The following TK2 variants were observed in gnomAD, a reference collection of about 807,000 sequenced individuals.
TK2 encodes thymidine kinase 2.
A neutral mutation model predicts 41.9 loss-of-function variants in TK2; 35 were observed. That is an observed-to-expected ratio of 0.84 (90% CI 0.64 to 1.11). The LOEUF is 1.11. TK2 is among the 50% of genes least tolerant of loss of function. TK2 has a pLI of 0.00. For missense variants in TK2, 320 were observed against 351.1 expected, an observed-to-expected ratio of 0.91 and a Z score of 0.71; for synonymous variants, 128 against 129.1, an observed-to-expected ratio of 0.99 and a Z score of 0.06.
intron 6 of TK2, among the ~76,000 whole-genome samples, chr16:66,526,030 G>A (rs957926539): frequency 6.6e-6 from 1 of 152,182 alleles, no homozygotes; most frequent in African/African-American, 2.4e-5. Context: ...CAGAACTGAC[G>A]CATCAGAAAT....
At chr16:66,521,285 G>T (rs1964772411) in intron 6 of TK2, among the ~76,000 whole-genome samples, 1 of 152,192 alleles carries the variant, frequency 6.6e-6, no homozygotes, top group African/African-American at 2.4e-5. Flanking sequence ...GGGACTCTGG[G>T]ACTGACAGAC....
At position 66,514,487 on chromosome 16, in the gene TK2, C is replaced by T. The variant is rs927954633; in HGVS notation, c.619-676G>A. Reference sequence around the variant, plus strand: ...CTCGCTACAACCTCCACCTCCCAGCCGCCTGCCTTGGCCTCCCAAAGTGCC... The same window carrying T: ...CTCGCTACAACCTCCACCTCCCAGCTGCCTGCCTTGGCCTCCCAAAGTGCC... On this transcript the variant is annotated intron_variant, in intron 8 of 9. Coordinates refer to ENST00000544898, the MANE Select transcript of TK2 (RefSeq NM_004614.5). This position sits in a 1 kb window ranked among gnomAD's most constrained non-coding sequence, Gnocchi z 4.2. 6.6e-6 allele frequency among the ~76,000 whole-genome samples: 1 copy of T among 152,160 alleles called. No individual in the cohort carries two copies. Among genetic ancestry groups the T allele is most frequent in the East Asian group, 1.9e-4 (1 of 5,188 alleles).
chr16:66,544,753 C>G (rs937855603), intron 2 of TK2, among the ~76,000 whole-genome samples: 1 of 152,200 alleles, frequency 6.6e-6, no homozygotes, highest in Non-Finnish European at 1.5e-5. Flanking sequence ...AATATTTAAT[C>G]TTTCCTAAAA....
chr16:66,532,734 C>A (rs553998975), intron 4 of TK2, among the ~76,000 whole-genome samples: 2 of 151,722 alleles, frequency 1.3e-5, no homozygotes, highest in African/African-American at 4.8e-5. Context: ...ACAGAACACA[C>A]ACAAAAAAAG....
At chr16:66,516,581 G>A (rs537160241) in intron 8 of TK2, among the ~76,000 whole-genome samples, 3 of 152,180 alleles carry the variant, frequency 2.0e-5, no homozygotes, top group Admixed American at 2.0e-4. Context: ...GGGCCAGGGC[G>A]AGATGCACAG....
rs549928515 is a variant in TK2, at chr16:66,533,823, C to T, written c.286-2354G>A. 3.5e-4 allele frequency among the ~76,000 whole-genome samples: 53 copies of T among 151,784 alleles called. 1 individual carries two copies. In the South Asian group the frequency reaches 8.5e-3, roughly 24 times the overall value. On this transcript the variant is annotated intron_variant, in intron 4 of 9. Coordinates refer to ENST00000544898, the MANE Select transcript of TK2 (RefSeq NM_004614.5). ...GAGATGGAGACCATCCTGGCTAACA[C>T]GGTGAAATCCTGTCTCTACTAAAAA...
chr16:66,508,481 T>A lies in TK2; in HGVS notation c.*3487A>T, dbSNP rs941536802. The A allele has an allele frequency of 6.6e-6, 1 of 152,286 alleles. No individual in the cohort carries two copies. The highest frequency in any genetic ancestry group is 2.4e-5 in the African/African-American group (1 of 41,470). 9.4% of individuals were successfully genotyped at this position (152,286 alleles called of 1,614,324 possible). A position where few individuals can be genotyped will look rare whatever the true frequency, so the allele number is the denominator to read the frequency against. On this transcript the variant is annotated 3_prime_UTR_variant, in exon 10 of 10. Transcript: ENST00000544898. ...ACATTTGCAAGAGCTTGCCAATTAT[T>A]TTAATAACTAACTCTTCAGGGTGGA...
At chr16:66,526,822 A>T (rs1964947319) in intron 6 of TK2, among the ~76,000 whole-genome samples, 1 of 152,222 alleles carries the variant, frequency 6.6e-6, no homozygotes, top group Non-Finnish European at 1.5e-5. Flanking sequence ...ATTAAAAGAC[A>T]GACACAGCCC....
intron 5 of TK2, 88 bp from the exon 6 acceptor site, chr16:66,529,155 TG>T (rs1345134721): frequency 1.6e-5 from 20 of 1,237,720 alleles, no homozygotes; most frequent in Non-Finnish European, 2.4e-5. Flanking sequence ...TCCCCCTGCC[TG>T]GGGACTTTGC....
chr16:66,528,777 C>G (rs1965013807), intron 6 of TK2, among the ~76,000 whole-genome samples: 1 of 152,172 alleles, frequency 6.6e-6, no homozygotes, highest in Non-Finnish European at 1.5e-5. Context: ...CCAAGGTAAG[C>G]AGAGCTGCCT....
chr16:66,549,963 C>T lies in TK2; in HGVS notation c.99G>A (p.Arg33=), dbSNP rs1965739618. The T allele has an allele frequency of 2.1e-6, 3 of 1,454,206 alleles. No individual in the cohort carries two copies. In the Admixed American group the frequency reaches 8.5e-5, roughly 41 times the overall value. 90.1% of individuals were successfully genotyped at this position (1,454,206 alleles called of 1,614,324 possible). A position where few individuals can be genotyped will look rare whatever the true frequency, so the allele number is the denominator to read the frequency against. The change falls in exon 1 of 10, where the codon AGG becomes AGA. Residue 33 remains arginine, a synonymous_variant. Transcript: ENST00000544898. Reference sequence around the variant, plus strand: ...CGGGAGGCCAGGCCCGGCGCTGCACCCTCCGCGGCCCGGGGCCTGAGGCCG... The same window carrying T: ...CGGGAGGCCAGGCCCGGCGCTGCACTCTCCGCGGCCCGGGGCCTGAGGCCG... The part of the protein sequence containing the change: ...GSPASGPGPR[R]VQRRAWPPDK...
chr16:66,518,313 G>A (rs1964676823), intron 6 of TK2, among the ~76,000 whole-genome samples: 1 of 152,134 alleles, frequency 6.6e-6, no homozygotes, highest in African/African-American at 2.4e-5. Context: ...GATCACTTGA[G>A]GCCAGAAGTT....
intron 6 of TK2, among the ~76,000 whole-genome samples, chr16:66,525,750 G>A (rs913545232): frequency 2.0e-5 from 3 of 152,112 alleles, no homozygotes; most frequent in South Asian, 2.1e-4. Context: ...TGAGCCCCCC[G>A]AAAGCCATAT....
chr16:66,511,300 A>G lies in TK2; in HGVS notation c.*668T>C, dbSNP rs1191818797. The G allele has an allele frequency of 1.3e-5, 2 of 156,250 alleles. No homozygotes were observed. The highest frequency in any genetic ancestry group is 2.8e-5 in the Non-Finnish European group (2 of 70,518). The allele number at this position is 156,250 out of a possible 1,614,324, so 9.7% of individuals were successfully genotyped here. ...ACACCGGGCTCCAGCCAAATGCAGC[A>G]TAATTTTGTGGAAGTCTAGAAATGC... On this transcript the variant is annotated 3_prime_UTR_variant, in exon 10 of 10. Coordinates refer to ENST00000544898, the MANE Select transcript of TK2 (RefSeq NM_004614.5).
chr16:66,520,770 A>T (rs1404460716), intron 6 of TK2, among the ~76,000 whole-genome samples: 1 of 152,204 alleles, frequency 6.6e-6, no homozygotes, highest in Non-Finnish European at 1.5e-5. Context: ...TGTTCAGGCT[A>T]CCCTGAGTTG....
Position 66,517,438 on chromosome 16 carries a change from C to T in TK2, c.539-223G>A. 1 of 627,814 alleles carries T rather than the reference C, an allele frequency of 1.6e-6. No individual in the cohort carries two copies. Among genetic ancestry groups the T allele is most frequent in the Non-Finnish European group, 2.9e-6 (1 of 350,630 alleles). The allele number at this position is 627,814 out of a possible 1,614,324, so 38.9% of individuals were successfully genotyped here. A position where few individuals can be genotyped will look rare whatever the true frequency, so the allele number is the denominator to read the frequency against. ...GGCTGAATGGGATTCTGTTCATAGA[C>T]AGAGCTCAAAACAGGCCTCACACCC... On this transcript the variant is annotated intron_variant, in intron 7 of 9. Transcript: ENST00000544898. The surrounding 1 kb of genome is among the most constrained non-coding windows in gnomAD (Gnocchi z 4.3).
At chr16:66,519,706 T>A (rs1964723200) in intron 6 of TK2, among the ~76,000 whole-genome samples, 2 of 152,092 alleles carry the variant, frequency 1.3e-5, no homozygotes, top group South Asian at 4.1e-4. Flanking sequence ...AGCAGAGGAA[T>A]TCTCCCTTTA....
chr16:66,539,327 G>A (rs766323275), intron 3 of TK2, among the ~76,000 whole-genome samples: 22 of 151,948 alleles, frequency 1.4e-4, no homozygotes, highest in Admixed American at 1.2e-3. Flanking sequence ...GACCGGGCAC[G>A]GTGGCTCACG....
intron 1 of TK2, chr16:66,549,364 C>A (rs1033553567): frequency 1.1e-4 from 122 of 1,134,918 alleles, no homozygotes; most frequent in Non-Finnish European, 1.3e-4. Context: ...GGGCGGCGGA[C>A]GTGGTTTTGG....
Sources: allele counts gnomAD v4.1 joint callset (sites outside exome capture counted in the v4.1 genomes callset), GRCh38; gene constraint gnomAD v4.1.1; non-coding constraint Gnocchi (gnomAD v3.1); transcripts MANE v1.5; gene names NCBI Gene and HGNC (gene_info 2026-07-23, HGNC 2026-07-21).